Variants in GRIK4 observed in about 807,000 individuals in gnomAD.
GRIK4 encodes glutamate receptor ionotropic, kainate 4.
Under a neutral mutation model 104.9 loss-of-function variants are expected in GRIK4, and 40 were observed. That is an observed-to-expected ratio of 0.38 (90% CI 0.30 to 0.50). GRIK4 has a LOEUF of 0.50. Ranked by LOEUF, GRIK4 falls within the 20% of genes least tolerant of loss-of-function variation. The pLI is 0.93. For missense variants in GRIK4, 1,047 were observed against 1,308.1 expected (o/e 0.80, Z 3.08); for synonymous variants, 485 against 524.9 (o/e 0.92, Z 1.04).
chr11:120,695,561 CAGA>C (rs1420557316), intron 3 of GRIK4, among the ~76,000 whole-genome samples: 1 of 152,144 alleles, frequency 6.6e-6, no homozygotes, highest in Non-Finnish European at 1.5e-5. Flanking sequence ...TTCATTTATG[CAGA>C]AGAAGAAGAA....
chr11:120,617,454 A>G (rs188142982), intron 1 of GRIK4, among the ~76,000 whole-genome samples: 17 of 152,256 alleles, frequency 1.1e-4, no homozygotes, highest in African/African-American at 4.1e-4. Context: ...ATCTCAGCTC[A>G]CTGCAGCCTC....
intron 16 of GRIK4, among the ~76,000 whole-genome samples, chr11:120,957,463 TGTC>T (rs1257372807): frequency 6.6e-6 from 1 of 152,204 alleles, no homozygotes; most frequent in African/African-American, 2.4e-5. Context: ...ACGCAACTCT[TGTC>T]GTTCAGAGTT....
chr11:120,611,730 C>G lies in GRIK4; in HGVS notation c.-158-41955C>G, dbSNP rs555797323. Among the ~76,000 whole-genome samples, 38 of 152,316 alleles carry G rather than the reference C, an allele frequency of 2.5e-4. 1 individual carries two copies. The highest frequency in any genetic ancestry group is 9.1e-4 in the Admixed American group (14 of 15,308). On this transcript the variant is annotated intron_variant, in intron 1 of 20. Transcript: ENST00000527524. ...TGGTGGAGTTTGCTTGTCTCTCTCC[C>G]CCATCTGCCTATAAGCTCGGTGGGG...
chr11:120,924,365 G>C (rs1408510708), intron 13 of GRIK4, among the ~76,000 whole-genome samples: 4 of 152,104 alleles, frequency 2.6e-5, no homozygotes, highest in Non-Finnish European at 4.4e-5. Context: ...AGTCAGCAGA[G>C]CGTTTAGTGG....
intron 3 of GRIK4, among the ~76,000 whole-genome samples, chr11:120,669,351 C>T (rs11217955): frequency 0.14 from 22,018 of 152,270 alleles, 1,717 homozygotes; most frequent in South Asian, 0.23. Flanking sequence ...GTCCCAGGTA[C>T]TGACTGATGG....
At position 120,889,588 on chromosome 11, in the gene GRIK4, CA is replaced by C. The variant is rs145710899; in HGVS notation, c.1165-8943del. On this transcript the variant is annotated intron_variant, in intron 11 of 20. Coordinates refer to ENST00000527524, the MANE Select transcript of GRIK4 (RefSeq NM_014619.5). Reference sequence around the variant, plus strand: ...AATAGAATAAAATAGAAAGAGCTTACATTTTTTTTTTTTTTTTTTTTTTTTT... The same window carrying C: ...AATAGAATAAAATAGAAAGAGCTTACTTTTTTTTTTTTTTTTTTTTTTTTT... 4.0e-4 allele frequency among the ~76,000 whole-genome samples: 27 copies of C among 67,146 alleles called. 1 individual carries two copies. The highest frequency in any genetic ancestry group is 3.4e-3 in the East Asian group (6 of 1,750). The allele number at this position is 67,146 out of a possible 152,430, so 44.1% of individuals were successfully genotyped here. A position where few individuals can be genotyped will look rare whatever the true frequency, so the allele number is the denominator to read the frequency against.
chr11:120,596,061 G>C (rs888279354), intron 1 of GRIK4, among the ~76,000 whole-genome samples: 1 of 152,178 alleles, frequency 6.6e-6, no homozygotes, highest in African/African-American at 2.4e-5. Flanking sequence ...TGGCCAGGCT[G>C]ATCTCGAACT....
rs1944757142 is a variant in GRIK4, at chr11:120,986,489, G to GC, written c.*232dup. ...CGTTGCACCCAAAGGGCAAAGGACG[G>GC]CCCTCCCTCCTGGGCACAAGGACCC... On this transcript the variant is annotated 3_prime_UTR_variant, in exon 21 of 21. Coordinates refer to ENST00000527524, the MANE Select transcript of GRIK4 (RefSeq NM_014619.5). 1 of 552,654 alleles carries GC rather than the reference G, an allele frequency of 1.8e-6. No homozygotes were observed. The highest frequency in any genetic ancestry group is 4.0e-5 in the Admixed American group (1 of 25,032). The allele number at this position is 552,654 out of a possible 1,614,324, so 34.2% of individuals were successfully genotyped here.
At chr11:120,669,435 C>G (rs1010957846) in intron 3 of GRIK4, among the ~76,000 whole-genome samples, 1 of 152,206 alleles carries the variant, frequency 6.6e-6, no homozygotes, top group African/African-American at 2.4e-5. Flanking sequence ...GATTTTTCTT[C>G]TTCCTTTTAC....
At chr11:120,856,103 A>C (rs1217514798) in intron 8 of GRIK4, among the ~76,000 whole-genome samples, 3 of 152,246 alleles carry the variant, frequency 2.0e-5, no homozygotes, top group African/African-American at 7.2e-5. Flanking sequence ...CTCCCAGGCC[A>C]TGAGTACCTG....
chr11:120,706,171 T>A (rs1489518981), intron 3 of GRIK4, among the ~76,000 whole-genome samples: 1 of 152,200 alleles, frequency 6.6e-6, no homozygotes, highest in Admixed American at 6.5e-5. Flanking sequence ...TGATGGTCTG[T>A]CCTGAAGTCC....
At chr11:120,847,629 A>G (rs1953881448) in intron 8 of GRIK4, among the ~76,000 whole-genome samples, 3 of 152,256 alleles carry the variant, frequency 2.0e-5, no homozygotes. Flanking sequence ...AAGGAAGCAG[A>G]TTGCATGAGA....
At chr11:120,772,273 T>C (rs1015643718) in intron 3 of GRIK4, among the ~76,000 whole-genome samples, 15 of 152,164 alleles carry the variant, frequency 9.9e-5, no homozygotes, top group African/African-American at 3.4e-4. Context: ...ATATAAAGAA[T>C]ATAAATTTAT....
intron 13 of GRIK4, among the ~76,000 whole-genome samples, chr11:120,931,297 G>A (rs4936565): frequency 0.22 from 33,160 of 152,026 alleles, 3,976 homozygotes; most frequent in East Asian, 0.37. Flanking sequence ...GAGAATGGCA[G>A]GCTAGGAGGT....
At chr11:120,756,301 A>C (rs2135432386) in intron 3 of GRIK4, among the ~76,000 whole-genome samples, 1 of 152,258 alleles carries the variant, frequency 6.6e-6, no homozygotes, top group South Asian at 2.1e-4. Flanking sequence ...CCCATGTCCT[A>C]GCCTGCTCTT....
intron 11 of GRIK4, among the ~76,000 whole-genome samples, chr11:120,886,460 CTGT>C (rs1363968394): frequency 6.6e-6 from 1 of 152,144 alleles, no homozygotes; most frequent in African/African-American, 2.4e-5. Flanking sequence ...AGTGAGCGTG[CTGT>C]TGTTTAATGT....
At chr11:120,717,706 A>T (rs1291559920) in intron 3 of GRIK4, among the ~76,000 whole-genome samples, 1 of 152,142 alleles carries the variant, frequency 6.6e-6, no homozygotes, top group African/African-American at 2.4e-5. Flanking sequence ...ACTACATGGG[A>T]TGAAGAAAGA....
At chr11:120,540,160 G>C (rs1363448573) in intron 1 of GRIK4, among the ~76,000 whole-genome samples, 1 of 152,222 alleles carries the variant, frequency 6.6e-6, no homozygotes, top group Admixed American at 6.5e-5. Flanking sequence ...TGGGCAAGCA[G>C]CCAGGTAAGA....
intron 1 of GRIK4, among the ~76,000 whole-genome samples, chr11:120,644,859 G>A (rs1038303595): frequency 2.0e-5 from 3 of 151,988 alleles, no homozygotes; most frequent in Non-Finnish European, 2.9e-5. Context: ...AAACCTTCAC[G>A]TTGTGCACAT....
Sources: gnomAD v4.1 joint callset for allele counts (sites outside exome capture counted in the v4.1 genomes callset) on GRCh38, gnomAD v4.1.1 for gene constraint, MANE v1.5 for transcripts, NCBI Gene and HGNC (gene_info 2026-07-23, HGNC 2026-07-21) for gene names.